GALNTL6: variants seen among roughly 807,000 people sequenced by gnomAD.
The protein encoded by GALNTL6 is polypeptide N-acetylgalactosaminyltransferase like 6.
GALNTL6 carries 46 observed loss-of-function variants against 73.7 expected under a neutral mutation model. The observed-to-expected ratio is 0.62, with a 90% CI of 0.49 to 0.80. GALNTL6 has a LOEUF of 0.80. GALNTL6 is among the 30% of genes least tolerant of loss of function. The probability of loss-of-function intolerance (pLI) is 0.00; values close to 1 mark genes in which losing one functional copy is unlikely to be tolerated. For missense variants in GALNTL6, 604 were observed against 755.0 expected, an observed-to-expected ratio of 0.80 and a Z score of 2.34; for synonymous variants, 259 against 263.7, an observed-to-expected ratio of 0.98 and a Z score of 0.17.
intron 5 of GALNTL6, among the ~76,000 whole-genome samples, chr4:172,650,945 AAT>A (rs532657641): frequency 9.1e-4 from 138 of 152,338 alleles, no homozygotes; most frequent in Non-Finnish European, 1.5e-3. Flanking sequence ...TAATATGAGT[AAT>A]TCAGTATTTT....
chr4:172,801,502 A>T (rs1012206329), intron 5 of GALNTL6, among the ~76,000 whole-genome samples: 1 of 152,042 alleles, frequency 6.6e-6, no homozygotes, highest in Admixed American at 6.5e-5. Flanking sequence ...GACCTTATCT[A>T]TAAGGTATTG....
chr4:172,360,512 A>G (rs541293807), intron 5 of GALNTL6, among the ~76,000 whole-genome samples: 22 of 152,328 alleles, frequency 1.4e-4, no homozygotes, highest in African/African-American at 5.1e-4. Flanking sequence ...TTTCTAGGGT[A>G]CAGATAACTT....
chr4:171,982,334 G>A (rs1010912221), intron 2 of GALNTL6, among the ~76,000 whole-genome samples: 3 of 152,246 alleles, frequency 2.0e-5, no homozygotes, highest in South Asian at 4.1e-4. Flanking sequence ...GTCTCGCTCT[G>A]TCACCCAGGC....
chr4:172,568,933 A>G (rs554638837), intron 5 of GALNTL6, among the ~76,000 whole-genome samples: 11 of 151,500 alleles, frequency 7.3e-5, no homozygotes, highest in Non-Finnish European at 1.6e-4. Flanking sequence ...TTAGCTCATT[A>G]TCTACTGTTA....
At chr4:172,857,908 A>G (rs1456387034) in intron 7 of GALNTL6, among the ~76,000 whole-genome samples, 1 of 152,196 alleles carries the variant, frequency 6.6e-6, no homozygotes, top group Non-Finnish European at 1.5e-5. Context: ...AGACTAATCC[A>G]TGGTGACCTG....
chr4:172,602,756 G>GTA (rs1738113425), intron 5 of GALNTL6, among the ~76,000 whole-genome samples: 1 of 152,098 alleles, frequency 6.6e-6, no homozygotes, highest in Admixed American at 6.6e-5. Context: ...ATATGAAAAT[G>GTA]TATATACACA....
At chr4:172,370,197 A>G (rs1439223171) in intron 5 of GALNTL6, among the ~76,000 whole-genome samples, 1 of 152,120 alleles carries the variant, frequency 6.6e-6, no homozygotes, top group Non-Finnish European at 1.5e-5. Context: ...GAGGTCCTCA[A>G]TAGAAGTTGT....
Position 172,940,552 on chromosome 4 carries a change from G to A in GALNTL6, c.1149+9284G>A, listed in dbSNP as rs1482756808. On this transcript the variant is annotated intron_variant, in intron 9 of 12. Coordinates refer to ENST00000506823, the MANE Select transcript of GALNTL6 (RefSeq NM_001034845.3). ...TAATTTTTGTAATTTTAGTAGAGACGGGCTTTCACCATGTTGGCCAGGATG... is the reference window on the plus strand; with the variant it reads ...TAATTTTTGTAATTTTAGTAGAGACAGGCTTTCACCATGTTGGCCAGGATG... Among the ~76,000 whole-genome samples, 4 of 151,854 alleles carry A rather than the reference G, an allele frequency of 2.6e-5. No individual in the cohort carries two copies. In the East Asian group the frequency reaches 5.8e-4, roughly 22 times the overall value.
intron 2 of GALNTL6, among the ~76,000 whole-genome samples, chr4:172,201,364 G>A (rs1225325343): frequency 6.6e-6 from 1 of 151,202 alleles, no homozygotes; most frequent in African/African-American, 2.5e-5. Context: ...ACGCCACCAC[G>A]CCTGGCTAAT....
intron 5 of GALNTL6, among the ~76,000 whole-genome samples, chr4:172,679,899 A>C (rs1732533665): frequency 6.6e-6 from 1 of 151,710 alleles, no homozygotes; most frequent in Admixed American, 6.6e-5. Context: ...TTCTTTTCCA[A>C]GGTTTCCCTT....
At chr4:171,977,075 T>C (rs1036681305) in intron 2 of GALNTL6, among the ~76,000 whole-genome samples, 1 of 152,194 alleles carries the variant, frequency 6.6e-6, no homozygotes, top group Non-Finnish European at 1.5e-5. Context: ...GATTAATATA[T>C]CTGCCAGCTA....
chr4:171,904,059 A>C (rs2110948291), intron 2 of GALNTL6, among the ~76,000 whole-genome samples: 1 of 152,282 alleles, frequency 6.6e-6, no homozygotes, highest in East Asian at 1.9e-4. Flanking sequence ...CAGAGCAGAA[A>C]AACTGGAAAC....
At chr4:172,838,023 A>G (rs1444755753) in intron 7 of GALNTL6, among the ~76,000 whole-genome samples, 1 of 152,142 alleles carries the variant, frequency 6.6e-6, no homozygotes, top group Non-Finnish European at 1.5e-5. Flanking sequence ...CCTACTATGG[A>G]AAGGAATGCC....
intron 10 of GALNTL6, among the ~76,000 whole-genome samples, chr4:172,974,764 G>A (rs1466856075): frequency 1.3e-5 from 2 of 152,248 alleles, no homozygotes; most frequent in Non-Finnish European, 1.5e-5. Context: ...AGTGAGTACA[G>A]GGTCTGGCCA....
At chr4:172,376,961 T>TCTCATA (rs1301330941) in intron 5 of GALNTL6, among the ~76,000 whole-genome samples, 1 of 152,038 alleles carries the variant, frequency 6.6e-6, no homozygotes, top group African/African-American at 2.4e-5. Flanking sequence ...ACCTTCGTGG[T>TCTCATA]GAGTGTTACA....
intron 5 of GALNTL6, among the ~76,000 whole-genome samples, chr4:172,389,633 G>A (rs558473261): frequency 1.3e-5 from 2 of 152,202 alleles, no homozygotes; most frequent in South Asian, 4.1e-4. Context: ...AAGGTAGGAG[G>A]TAAATAAAAT....
At chr4:172,612,114 G>T (rs1738547389) in intron 5 of GALNTL6, among the ~76,000 whole-genome samples, 1 of 152,032 alleles carries the variant, frequency 6.6e-6, no homozygotes, top group Admixed American at 6.6e-5. Context: ...TATGTAAAAT[G>T]CCTGGCTAAT....
At chr4:172,787,797 C>T (rs142571375) in intron 5 of GALNTL6, among the ~76,000 whole-genome samples, 196 of 152,198 alleles carry the variant, frequency 1.3e-3, no homozygotes, top group African/African-American at 4.0e-3. Flanking sequence ...TCAGAAGTGG[C>T]ATGTTCGGTG....
chr4:172,244,380 A>G (rs867757920), intron 3 of GALNTL6, among the ~76,000 whole-genome samples: 1 of 152,082 alleles, frequency 6.6e-6, no homozygotes, highest in Non-Finnish European at 1.5e-5. Flanking sequence ...ATCTCAGGAG[A>G]TTTATTAAAC....
Sources: allele counts gnomAD v4.1 joint callset (sites outside exome capture counted in the v4.1 genomes callset), GRCh38; gene constraint gnomAD v4.1.1; transcripts MANE v1.5; gene names NCBI Gene and HGNC (gene_info 2026-07-23, HGNC 2026-07-21).